CALN1: variants seen among roughly 807,000 people sequenced by gnomAD.
CALN1 encodes calneuron 1.
A neutral mutation model predicts 30.6 loss-of-function variants in CALN1; 17 were observed. The observed-to-expected ratio is 0.56, with a 90% CI of 0.38 to 0.83. CALN1 has a LOEUF of 0.83. Ranked by LOEUF, CALN1 falls within the 40% of genes least tolerant of loss-of-function variation. The pLI is 0.00. For missense variants in CALN1, 291 were observed against 354.9 expected, an observed-to-expected ratio of 0.82 and a Z score of 1.45; for synonymous variants, 156 against 131.4, an observed-to-expected ratio of 1.19 and a Z score of -1.28.
rs894479002 is a variant in CALN1 at position 72,396,287 on chromosome 7, C to T, written c.119+6964G>A. On this transcript the variant is annotated intron_variant, in intron 2 of 6. Transcript: ENST00000395275. The stretch of plus-strand genomic sequence containing the variant: ...GAAAAAGAAAAATTAGCTGGGTTTG[C>T]TGGCAGGCACCTGTAATCCCAGCTA... Among the ~76,000 whole-genome samples the T allele has an allele frequency of 3.6e-5, 4 of 109,996 alleles. No homozygotes were observed. In the South Asian group the frequency reaches 1.3e-3, roughly 35 times the overall value. The allele number at this position is 109,996 out of a possible 152,430, so 72.2% of individuals were successfully genotyped here.
intron 5 of CALN1, among the ~76,000 whole-genome samples, chr7:71,908,185 GC>G (rs1313855801): frequency 6.6e-6 from 1 of 152,028 alleles, no homozygotes; most frequent in Non-Finnish European, 1.5e-5. Flanking sequence ...CCCTTTGGTG[GC>G]CCCCTTTGTT....
In CALN1 at chr7:72,433,240, G is replaced by A. The variant is rs562366833; in HGVS notation, c.-226+13802C>T. On this transcript the variant is annotated intron_variant, in intron 1 of 6. Coordinates refer to the CALN1 transcript ENST00000395276. ...CCAGGTAGCAGCCTAAAGTGTCCCC[G>A]GGACAGAAAAATAGATTAACTGCTA... is the stretch of plus-strand genomic sequence containing the variant. Among the ~76,000 whole-genome samples, 8 of 152,170 alleles carry A rather than the reference G, an allele frequency of 5.3e-5. No homozygotes were observed. In the East Asian group the frequency reaches 7.7e-4, roughly 15 times the overall value.
At chr7:71,909,716 C>G (rs1442250124) in intron 5 of CALN1, among the ~76,000 whole-genome samples, 1 of 152,126 alleles carries the variant, frequency 6.6e-6, no homozygotes, top group Non-Finnish European at 1.5e-5. Flanking sequence ...CGTTTGGTAT[C>G]ACTTGGTTTC....
chr7:72,216,995 C>A (rs772167500), intron 3 of CALN1, among the ~76,000 whole-genome samples: 3 of 152,154 alleles, frequency 2.0e-5, no homozygotes, highest in Non-Finnish European at 4.4e-5. Flanking sequence ...CCTCTCACCT[C>A]CCAAAGTGCT....
chr7:72,439,902 AG>A (rs1363842268), intron 1 of CALN1, among the ~76,000 whole-genome samples: 1 of 151,916 alleles, frequency 6.6e-6, no homozygotes, highest in East Asian at 1.9e-4. Context: ...CACATTGAGG[AG>A]GCTGAGGAGG....
chr7:72,428,291 AG>A (rs1807860279), intron 1 of CALN1, among the ~76,000 whole-genome samples: 1 of 152,252 alleles, frequency 6.6e-6, no homozygotes, highest in South Asian at 2.1e-4. Flanking sequence ...AATGCTCAAA[AG>A]GCACTGGCAA....
At chr7:71,926,623 T>C (rs543688552) in intron 5 of CALN1, among the ~76,000 whole-genome samples, 2 of 152,324 alleles carry the variant, frequency 1.3e-5, no homozygotes, top group East Asian at 1.9e-4. Context: ...GGCATTCCAA[T>C]TGTACAAATT....
intron 3 of CALN1, among the ~76,000 whole-genome samples, chr7:72,241,635 G>A (rs1342896285): frequency 1.3e-5 from 2 of 152,084 alleles, no homozygotes; most frequent in Non-Finnish European, 2.9e-5. Flanking sequence ...GAATCCAGGA[G>A]GCAGAGGTTG....
At chr7:71,951,240 C>T (rs1796674505) in intron 5 of CALN1, among the ~76,000 whole-genome samples, 1 of 152,204 alleles carries the variant, frequency 6.6e-6, no homozygotes, top group South Asian at 2.1e-4. Context: ...AGCTCTCTAA[C>T]ACCATGTACT....
rs373772692 is a variant in CALN1, at chr7:71,847,773, A to AAAGAAG, written c.502-37287_502-37282dup. Among the ~76,000 whole-genome samples, 304 of 145,316 alleles carry AAAGAAG rather than the reference A, an allele frequency of 2.1e-3. 1 individual carries two copies. The highest frequency in any genetic ancestry group is 7.3e-3 in the African/African-American group (282 of 38,842). On this transcript the variant is annotated intron_variant, in intron 5 of 6. Coordinates refer to ENST00000395275, the MANE Select transcript of CALN1 (RefSeq NM_031468.4). ...AGAAAGAAGAAAGAAGAAGAAGAAG[A>AAAGAAG]AAGAAGAAGAAGAAGAAGAAGAAAA... is the stretch of plus-strand genomic sequence containing the variant.
At chr7:72,411,517 T>G (rs1404306659) in intron 1 of CALN1, among the ~76,000 whole-genome samples, 1 of 152,220 alleles carries the variant, frequency 6.6e-6, no homozygotes, top group South Asian at 2.1e-4. Flanking sequence ...TTTAAAAAAA[T>G]ATGGACGTAT....
At chr7:72,469,193 T>C in the CALN1 span, among the ~76,000 whole-genome samples, 2 of 152,160 alleles carry the variant, frequency 1.3e-5, no homozygotes, top group Admixed American at 1.3e-4. Context: ...TGGGTTTTAG[T>C]TCTTAGCTTA....
At chr7:72,394,137 G>C (rs892680542) in intron 2 of CALN1, among the ~76,000 whole-genome samples, 1 of 152,096 alleles carries the variant, frequency 6.6e-6, no homozygotes, top group Non-Finnish European at 1.5e-5. Context: ...TGTGCATATA[G>C]AATTTTTTTC....
intron 2 of CALN1, among the ~76,000 whole-genome samples, chr7:72,379,112 A>G (rs1804740132): frequency 6.6e-6 from 1 of 152,170 alleles, no homozygotes; most frequent in Non-Finnish European, 1.5e-5. Context: ...TGTAAAGAAT[A>G]TTTGTGGCTG....
At chr7:72,199,673 C>G (rs1191417852) in intron 3 of CALN1, among the ~76,000 whole-genome samples, 1 of 152,130 alleles carries the variant, frequency 6.6e-6, no homozygotes, top group Admixed American at 6.5e-5. Flanking sequence ...TAGCAAGAAG[C>G]TATCTCTACA....
At chr7:72,351,437 T>C (rs375930496) in intron 2 of CALN1, among the ~76,000 whole-genome samples, 4 of 152,282 alleles carry the variant, frequency 2.6e-5, no homozygotes, top group East Asian at 3.9e-4. Context: ...AATAAAAAGT[T>C]TGTCATTATT....
intron 3 of CALN1, among the ~76,000 whole-genome samples, chr7:72,190,977 T>C (rs1790554236): frequency 6.6e-6 from 1 of 152,224 alleles, no homozygotes; most frequent in African/African-American, 2.4e-5. Context: ...CTAATTCTGT[T>C]ATATCTTTGG....
chr7:72,395,662 T>G (rs1562945291), intron 2 of CALN1, among the ~76,000 whole-genome samples: 1 of 152,022 alleles, frequency 6.6e-6, no homozygotes, highest in Non-Finnish European at 1.5e-5. Context: ...TGCCAAGAGG[T>G]GGGGTCCAAG....
At chr7:72,341,216 C>T (rs2129558784) in intron 2 of CALN1, among the ~76,000 whole-genome samples, 1 of 152,256 alleles carries the variant, frequency 6.6e-6, no homozygotes, top group East Asian at 1.9e-4. Context: ...TAGATGACAA[C>T]CATGTCACCA....
Sources: gnomAD v4.1 joint callset for allele counts (sites outside exome capture counted in the v4.1 genomes callset) on GRCh38, gnomAD v4.1.1 for gene constraint, MANE v1.5 for transcripts, NCBI Gene and HGNC (gene_info 2026-07-23, HGNC 2026-07-21) for gene names.